Variants in THSD7B observed in about 807,000 individuals in gnomAD.
THSD7B encodes thrombospondin type-1 domain-containing protein 7B.
THSD7B carries 138 observed loss-of-function variants against 213.6 expected under a neutral mutation model. The observed-to-expected ratio is 0.65, with a 90% confidence interval of 0.56 to 0.74. The LOEUF (loss-of-function observed/expected upper bound fraction) is 0.74. Ranked by LOEUF, THSD7B falls within the 30% of genes least tolerant of loss-of-function variation. The pLI is 0.00. For missense variants in THSD7B, 1,931 were observed against 1,991.5 expected, an observed-to-expected ratio of 0.97 and a Z score of 0.58; for synonymous variants, 742 against 687.0, an observed-to-expected ratio of 1.08 and a Z score of -1.25.
chr2:137,302,683 C>A (rs1445766211), intron 12 of THSD7B, among the ~76,000 whole-genome samples: 2 of 151,890 alleles, frequency 1.3e-5, no homozygotes, highest in Non-Finnish European at 2.9e-5. Context: ...TGTTTTGTTT[C>A]TAATATTGAA....
intron 2 of THSD7B, among the ~76,000 whole-genome samples, chr2:136,998,579 G>T (rs1008977635): frequency 6.6e-6 from 1 of 152,078 alleles, no homozygotes; most frequent in Non-Finnish European, 1.5e-5. Flanking sequence ...AAGTTATGTG[G>T]CATATCGGAC....
chr2:136,802,843 C>A (rs1010937954), intron 1 of THSD7B, among the ~76,000 whole-genome samples: 4 of 151,348 alleles, frequency 2.6e-5, no homozygotes, highest in African/African-American at 9.7e-5. Flanking sequence ...TACAGAGACA[C>A]TTACTATATA....
intron 3 of THSD7B, 65 bp from the exon 4 acceptor site, chr2:137,094,808 A>C: frequency 6.5e-7 from 1 of 1,532,976 alleles, no homozygotes; most frequent in Non-Finnish European, 8.8e-7. Context: ...CATGGTAGGC[A>C]CTTTATAATG....
At chr2:137,218,982 GA>G (rs5834540) in intron 7 of THSD7B, among the ~76,000 whole-genome samples, 89,711 of 149,592 alleles carry the variant, frequency 0.6, 27,094 homozygotes, top group South Asian at 0.71. Context: ...CTGAGTTTGT[GA>G]AAAAAAAAAT....
chr2:137,147,640 T>A (rs979022855), intron 5 of THSD7B, among the ~76,000 whole-genome samples: 2 of 152,116 alleles, frequency 1.3e-5, no homozygotes, highest in Non-Finnish European at 2.9e-5. Flanking sequence ...TTGCTATCAT[T>A]ATTACAGATT....
At position 137,074,982 on chromosome 2, in the gene THSD7B, T is replaced by C. The variant is rs76750933; in HGVS notation, c.950+17752T>C. On this transcript the variant is annotated intron_variant, in intron 3 of 27. Coordinates refer to ENST00000409968, the MANE Select transcript of THSD7B (RefSeq NM_001316349.2). ...TGTTAGGCTGATGGGCTTCCCTTTGTGAGTAACCCGACCTTTCTCTCTGGC... is the reference window on the plus strand; with the variant it reads ...TGTTAGGCTGATGGGCTTCCCTTTGCGAGTAACCCGACCTTTCTCTCTGGC... 3.9e-3 allele frequency among the ~76,000 whole-genome samples: 601 copies of C among 152,330 alleles called. 5 individuals carry two copies. Among genetic ancestry groups the C allele is most frequent in the African/African-American group, 0.013 (545 of 41,572 alleles).
At chr2:136,788,616 C>T (rs1681910663) in intron 1 of THSD7B, among the ~76,000 whole-genome samples, 1 of 152,016 alleles carries the variant, frequency 6.6e-6, no homozygotes, top group South Asian at 2.1e-4. Context: ...AGAGGAGAAA[C>T]CATTCTCTCT....
chr2:137,020,685 C>A (rs1686427128), intron 2 of THSD7B, among the ~76,000 whole-genome samples: 1 of 152,184 alleles, frequency 6.6e-6, no homozygotes, highest in South Asian at 2.1e-4. Flanking sequence ...TATGAGGGAG[C>A]CGCAAGCACT....
chr2:137,253,340 A>G (rs1337684099), intron 10 of THSD7B, among the ~76,000 whole-genome samples: 3 of 152,216 alleles, frequency 2.0e-5, no homozygotes, highest in Non-Finnish European at 4.4e-5. Context: ...TGTTCTTTAC[A>G]CCTGAAATGC....
intron 1 of THSD7B, 37 bp from the exon 2 acceptor site, chr2:136,882,107 A>G (rs1316714482): frequency 1.4e-6 from 2 of 1,380,670 alleles, no homozygotes; most frequent in Non-Finnish European, 1.9e-6. Flanking sequence ...TTTTCTTTAC[A>G]GAAGAAACTT....
At chr2:136,990,445 G>T (rs10221968) in intron 2 of THSD7B, among the ~76,000 whole-genome samples, 89,065 of 151,880 alleles carry the variant, frequency 0.59, 28,464 homozygotes, top group East Asian at 0.93. Context: ...CTTTAAAAGG[G>T]CAGAGTGATG....
chr2:137,143,894 T>C (rs1432202), intron 5 of THSD7B, among the ~76,000 whole-genome samples: 29,663 of 152,066 alleles, frequency 0.2, 3,635 homozygotes, highest in South Asian at 0.44. Context: ...ATTTTTTTGA[T>C]TTGTACATAT....
Position 137,499,431 on chromosome 2 carries a change from C to T in THSD7B, c.3138+48408C>T, listed in dbSNP as rs1458603812. On this transcript the variant is annotated intron_variant, in intron 15 of 27. Transcript: ENST00000409968. Reference sequence around the variant, plus strand: ...AAGCCCTAATACCATCATATCAATGCTTGCATAAGCAAAGTAACAAAATAA... The same window carrying T: ...AAGCCCTAATACCATCATATCAATGTTTGCATAAGCAAAGTAACAAAATAA... 2.0e-5 allele frequency among the ~76,000 whole-genome samples: 3 copies of T among 152,144 alleles called. No homozygotes were observed. The East Asian group carries it at 5.8e-4, about 29-fold the overall frequency.
chr2:136,782,367 C>T (rs1558803391), intron 1 of THSD7B, among the ~76,000 whole-genome samples: 1 of 152,134 alleles, frequency 6.6e-6, no homozygotes, highest in Non-Finnish European at 1.5e-5. Flanking sequence ...TCTCTCTTTC[C>T]TCCTTCTTAG....
chr2:137,314,875 C>T (rs1684045096), intron 12 of THSD7B, among the ~76,000 whole-genome samples: 1 of 152,210 alleles, frequency 6.6e-6, no homozygotes, highest in Non-Finnish European at 1.5e-5. Context: ...CTCAGATCTC[C>T]AGCTGCGTGC....
intron 1 of THSD7B, among the ~76,000 whole-genome samples, chr2:136,815,691 T>C (rs1682458054): frequency 6.6e-6 from 1 of 152,164 alleles, no homozygotes; most frequent in Non-Finnish European, 1.5e-5. Context: ...TTGGTAAATG[T>C]CATGAACTTA....
At chr2:136,954,355 C>A (rs901289343) in intron 2 of THSD7B, among the ~76,000 whole-genome samples, 4 of 152,160 alleles carry the variant, frequency 2.6e-5, no homozygotes, top group African/African-American at 9.7e-5. Context: ...TCTTCCTTGG[C>A]CAGCTCATCT....
chr2:136,852,369 A>G (rs982593667), intron 1 of THSD7B, among the ~76,000 whole-genome samples: 2 of 152,270 alleles, frequency 1.3e-5, no homozygotes, highest in South Asian at 2.1e-4. Context: ...CCAAAAAACC[A>G]CAGGGGAGGA....
intron 1 of THSD7B, among the ~76,000 whole-genome samples, chr2:136,779,401 T>A (rs1681687057): frequency 6.6e-6 from 1 of 152,128 alleles, no homozygotes; most frequent in African/African-American, 2.4e-5. Flanking sequence ...GTGTAAATAT[T>A]GTTATATTGT....
Sources: gnomAD v4.1 joint callset for allele counts (sites outside exome capture counted in the v4.1 genomes callset) on GRCh38, gnomAD v4.1.1 for gene constraint, MANE v1.5 for transcripts, NCBI Gene and HGNC (gene_info 2026-07-23, HGNC 2026-07-21) for gene names.